The following EXOC6B variants were observed in gnomAD, a reference collection of about 807,000 sequenced individuals.
EXOC6B encodes the protein exocyst complex component 6B.
In EXOC6B, 54 loss-of-function variants were observed where a neutral mutation model predicts 113.5. The observed-to-expected ratio is 0.48, with a 90% CI of 0.38 to 0.60. The LOEUF (loss-of-function observed/expected upper bound fraction) is 0.60. Ranked by LOEUF, EXOC6B falls within the 20% of genes least tolerant of loss-of-function variation. The probability of loss-of-function intolerance (pLI) is 0.00; values close to 1 mark genes in which losing one functional copy is unlikely to be tolerated. For synonymous variants in EXOC6B, 357 were observed against 339.0 expected (o/e 1.05, Z -0.58); for missense variants, 797 against 977.5 (o/e 0.82, Z 2.46).
intron 18 of EXOC6B, among the ~76,000 whole-genome samples, chr2:72,419,489 A>G (rs1694734382): frequency 6.6e-6 from 1 of 152,192 alleles, no homozygotes; most frequent in African/African-American, 2.4e-5. Context: ...GGAAAAATTT[A>G]GTGGTAATTA....
At chr2:72,600,889 T>A (rs925043300) in intron 6 of EXOC6B, among the ~76,000 whole-genome samples, 16 of 151,774 alleles carry the variant, frequency 1.1e-4, no homozygotes, top group Non-Finnish European at 2.1e-4. Context: ...AAAAACAATG[T>A]TAAGAAAAAG....
intron 6 of EXOC6B, among the ~76,000 whole-genome samples, chr2:72,683,985 G>A (rs1420361229): frequency 6.6e-6 from 1 of 152,182 alleles, no homozygotes; most frequent in Non-Finnish European, 1.5e-5. Context: ...AGGCTGGAGT[G>A]CAATGGCGCA....
chr2:72,513,232 T>A lies in EXOC6B; in HGVS notation c.1067A>T (p.His356Leu). The change falls in exon 11 of 22, where the codon CAC becomes CTC. Residue 356 changes from histidine to leucine, a missense_variant. Transcript: ENST00000272427. The part of the protein sequence containing the change: ...QIVGFFVVED[H>L]ILHTTQGLVN... Reference sequence around the variant, plus strand: ...TAAGCCCTGGGTTGTATGTAAAATGTGATCTTCAACCACAAAAAAGCTAAG... The same window carrying A: ...TAAGCCCTGGGTTGTATGTAAAATGAGATCTTCAACCACAAAAAAGCTAAG... 1 of 1,612,898 alleles carries A rather than the reference T, an allele frequency of 6.2e-7. No homozygotes were observed. Among genetic ancestry groups the A allele is most frequent in the Non-Finnish European group, 8.5e-7 (1 of 1,179,246 alleles).
chr2:72,503,914 T>A (rs1700467669), intron 11 of EXOC6B, among the ~76,000 whole-genome samples: 1 of 152,054 alleles, frequency 6.6e-6, no homozygotes, highest in African/African-American at 2.4e-5. Flanking sequence ...TCTTTCTTTT[T>A]TTTCTTTTTT....
intron 20 of EXOC6B, among the ~76,000 whole-genome samples, chr2:72,238,943 G>A (rs1256266009): frequency 2.0e-5 from 3 of 151,968 alleles, no homozygotes; most frequent in Non-Finnish European, 4.4e-5. Context: ...CTGTTGCCCC[G>A]GCTGGAGTGC....
chr2:72,540,705 C>A (rs1331159732), intron 8 of EXOC6B, among the ~76,000 whole-genome samples: 2 of 152,120 alleles, frequency 1.3e-5, no homozygotes, highest in Non-Finnish European at 2.9e-5. Context: ...AACCATGGCC[C>A]ATGGATCAAA....
intron 8 of EXOC6B, among the ~76,000 whole-genome samples, chr2:72,529,243 C>T (rs1044205823): frequency 9.2e-5 from 14 of 152,124 alleles, no homozygotes; most frequent in Non-Finnish European, 4.4e-5. Flanking sequence ...GAATGTGTTT[C>T]GGATTTTGTC....
Position 72,508,628 on chromosome 2 carries a change from G to A in EXOC6B, c.1167+4504C>T, listed in dbSNP as rs563777979. Among the ~76,000 whole-genome samples, 59 of 152,012 alleles carry A rather than the reference G, an allele frequency of 3.9e-4. 3 individuals are homozygous for A. In the South Asian group the frequency reaches 0.011, roughly 28 times the overall value. ...CTCTACTAAAAATACAAAAAAATTA[G>A]TCGGGCATGGTGGCAGGCACCTGTA... On this transcript the variant is annotated intron_variant, in intron 11 of 21. Transcript: ENST00000272427.
intron 6 of EXOC6B, among the ~76,000 whole-genome samples, chr2:72,604,444 C>T (rs1056461960): frequency 4.6e-5 from 7 of 152,108 alleles, no homozygotes; most frequent in African/African-American, 9.7e-5. Context: ...TCTTTATGCA[C>T]CAGGCACTAT....
At chr2:72,204,311 T>A (rs1457540510) in intron 20 of EXOC6B, among the ~76,000 whole-genome samples, 1 of 152,138 alleles carries the variant, frequency 6.6e-6, no homozygotes, top group Non-Finnish European at 1.5e-5. Flanking sequence ...CCCCGCCCTC[T>A]GGCTCCTTGA....
At chr2:72,407,024 A>G (rs1693823809) in intron 18 of EXOC6B, among the ~76,000 whole-genome samples, 1 of 152,198 alleles carries the variant, frequency 6.6e-6, no homozygotes, top group Non-Finnish European at 1.5e-5. Context: ...AAAAAATGAT[A>G]AAGGGGATAT....
chr2:72,221,424 C>T (rs2104426852), intron 20 of EXOC6B, among the ~76,000 whole-genome samples: 1 of 152,272 alleles, frequency 6.6e-6, no homozygotes, highest in Admixed American at 6.5e-5. Context: ...GCACTGTCAT[C>T]TCTCACCTCA....
intron 20 of EXOC6B, among the ~76,000 whole-genome samples, chr2:72,245,498 A>G (rs942926898): frequency 5.3e-5 from 8 of 152,252 alleles, no homozygotes; most frequent in Admixed American, 3.3e-4. Flanking sequence ...GAAATGAGCT[A>G]TCTAGCCAAA....
chr2:72,494,024 AT>A (rs1166115957), intron 15 of EXOC6B, among the ~76,000 whole-genome samples: 1 of 152,152 alleles, frequency 6.6e-6, no homozygotes, highest in African/African-American at 2.4e-5. Flanking sequence ...TATAAGATAA[AT>A]GCCAAATGAA....
chr2:72,563,697 T>C (rs1001685875), intron 7 of EXOC6B, among the ~76,000 whole-genome samples: 2 of 152,064 alleles, frequency 1.3e-5, no homozygotes, highest in African/African-American at 4.8e-5. Flanking sequence ...AACATCAACA[T>C]TTCTGATTAC....
At chr2:72,426,679 A>G (rs567489919) in intron 18 of EXOC6B, among the ~76,000 whole-genome samples, 1 of 152,292 alleles carries the variant, frequency 6.6e-6, no homozygotes, top group African/African-American at 2.4e-5. Context: ...ATCAGTCCCA[A>G]TTTGCTATTT....
chr2:72,772,957 A>C (rs1683486478), intron 1 of EXOC6B, among the ~76,000 whole-genome samples: 1 of 152,112 alleles, frequency 6.6e-6, no homozygotes, highest in South Asian at 2.1e-4. Flanking sequence ...AGATCTACGA[A>C]CTGTCTGAAA....
intron 6 of EXOC6B, among the ~76,000 whole-genome samples, chr2:72,688,206 A>G (rs1558919360): frequency 6.6e-6 from 1 of 152,178 alleles, no homozygotes; most frequent in Non-Finnish European, 1.5e-5. Flanking sequence ...TAGGGTCCAG[A>G]CTTTTCAATG....
chr2:72,751,125 G>T (rs1031069648), intron 1 of EXOC6B, among the ~76,000 whole-genome samples: 1 of 152,100 alleles, frequency 6.6e-6, no homozygotes, highest in African/African-American at 2.4e-5. Context: ...TCAACTTACA[G>T]AGTTTATTTT....
Sources: allele counts gnomAD v4.1 joint callset (sites outside exome capture counted in the v4.1 genomes callset), GRCh38; gene constraint gnomAD v4.1.1; transcripts MANE v1.5; gene names NCBI Gene and HGNC (gene_info 2026-07-23, HGNC 2026-07-21).